The following SLC43A2 variants were observed in gnomAD, a reference collection of about 807,000 sequenced individuals.
The protein encoded by SLC43A2 is large neutral amino acids transporter small subunit 4.
Under a neutral mutation model 63.2 loss-of-function variants are expected in SLC43A2, and 38 were observed. The observed-to-expected ratio is 0.60, with a 90% CI of 0.46 to 0.79. The LOEUF (loss-of-function observed/expected upper bound fraction) is 0.79, where lower values mean the gene tolerates loss of function less well. SLC43A2 is among the 30% of genes least tolerant of loss of function. The pLI is 0.00. For synonymous variants in SLC43A2, 322 were observed against 331.0 expected, an observed-to-expected ratio of 0.97 and a Z score of 0.30; for missense variants, 644 against 756.2, an observed-to-expected ratio of 0.85 and a Z score of 1.74.
At chr17:1,617,744 G>A (rs1907814390) in intron 2 of SLC43A2, among the ~76,000 whole-genome samples, 1 of 152,166 alleles carries the variant, frequency 6.6e-6, no homozygotes, top group South Asian at 2.1e-4. Context: ...CCATCCCGTG[G>A]CCATGCCTAG....
chr17:1,570,583 T>G lies in SLC43A2; in HGVS notation c.*5021A>C. 2 of 141,092 alleles carry G rather than the reference T, an allele frequency of 1.4e-5. No individual in the cohort carries two copies. Among genetic ancestry groups the G allele is most frequent in the Non-Finnish European group, 1.5e-5 (1 of 65,110 alleles). The allele number at this position is 141,092 out of a possible 1,614,324, so 8.7% of individuals were successfully genotyped here. A position where few individuals can be genotyped will look rare whatever the true frequency, so the allele number is the denominator to read the frequency against. ...CTCACTGCAAGCTCCGCCTCCCGGG[T>G]TCACACCATTCTCCTGCCTCAGCCT... On this transcript the variant is annotated 3_prime_UTR_variant, in exon 14 of 14. Transcript: ENST00000301335.
intron 5 of SLC43A2, among the ~76,000 whole-genome samples, chr17:1,596,359 C>T (rs893767716): frequency 5.3e-5 from 8 of 151,816 alleles, no homozygotes; most frequent in South Asian, 2.1e-4. Flanking sequence ...AGTGGTGGCT[C>T]GTGCCTGTCA....
chr17:1,579,124 G>C (rs1449746265), intron 11 of SLC43A2, among the ~76,000 whole-genome samples: 2 of 131,110 alleles, frequency 1.5e-5, no homozygotes, highest in Non-Finnish European at 3.2e-5. Context: ...TGGTGACAAA[G>C]TGAGACTCTG....
Position 1,571,596 on chromosome 17 carries a change from G to C in SLC43A2, c.*4008C>G, listed in dbSNP as rs2075847196. The C allele has an allele frequency of 6.6e-6, 1 of 152,334 alleles. No individual in the cohort carries two copies. The highest frequency in any genetic ancestry group is 1.5e-5 in the Non-Finnish European group (1 of 68,122). 9.4% of individuals were successfully genotyped at this position (152,334 alleles called of 1,614,324 possible). ...AATACTGGATGTCCCGCCATTTTCA[G>C]CCCTGGGGCCTATGGCAAAGTGACG... is the stretch of plus-strand genomic sequence containing the variant. On this transcript the variant is annotated 3_prime_UTR_variant, in exon 14 of 14. Transcript: ENST00000301335. This position sits in a 1 kb window ranked among gnomAD's most constrained non-coding sequence, Gnocchi z 5.2.
chr17:1,581,817 T>G (rs2076018858), intron 11 of SLC43A2, among the ~76,000 whole-genome samples: 1 of 151,864 alleles, frequency 6.6e-6, no homozygotes, highest in Admixed American at 6.6e-5. Flanking sequence ...TTTTTTTTTT[T>G]TTTTTTGAGA....
rs2076052732 is a variant in SLC43A2 at position 1,583,482 on chromosome 17, G to A, written c.1218-146C>T. On this transcript the variant is annotated intron_variant, in intron 10 of 13. Transcript: ENST00000301335. The surrounding 1 kb of genome is among the most constrained non-coding windows in gnomAD (Gnocchi z 5.5). ...GGCACGTTTTAGGGACTGTGTCGGG[G>A]CTGGACCAGCACTACGGACACTCCC... 1.4e-6 allele frequency: 2 copies of A among 1,393,056 alleles called. No homozygotes were observed. Among genetic ancestry groups the A allele is most frequent in the Non-Finnish European group, 1.9e-6 (2 of 1,041,932 alleles). The allele number at this position is 1,393,056 out of a possible 1,614,324, so 86.3% of individuals were successfully genotyped here. A position where few individuals can be genotyped will look rare whatever the true frequency, so the allele number is the denominator to read the frequency against.
intron 7 of SLC43A2, 40 bp from the exon 8 acceptor site, chr17:1,591,511 C>A (rs749984260): frequency 1.9e-6 from 3 of 1,611,144 alleles, no homozygotes; most frequent in Admixed American, 3.3e-5. Context: ...CTGCCCGGGA[C>A]CCCGGCTGGG....
chr17:1,581,806 GTTT>G (rs926906202), intron 11 of SLC43A2, among the ~76,000 whole-genome samples: 1 of 140,770 alleles, frequency 7.1e-6, no homozygotes, highest in African/African-American at 2.6e-5. Flanking sequence ...AAGAAATTCA[GTTT>G]TTTTTTTTTT....
intron 2 of SLC43A2, among the ~76,000 whole-genome samples, chr17:1,617,960 C>A (rs974945386): frequency 6.6e-6 from 1 of 152,234 alleles, no homozygotes; most frequent in Non-Finnish European, 1.5e-5. Flanking sequence ...ACTAATCCTG[C>A]AGAAAACAGG....
chr17:1,599,915 G>A (rs1300512710), intron 5 of SLC43A2, among the ~76,000 whole-genome samples: 3 of 148,742 alleles, frequency 2.0e-5, no homozygotes, highest in Non-Finnish European at 4.5e-5. Context: ...GTGGTGGCGG[G>A]CGCCTGTAGT....
At chr17:1,587,767 ATCAAG>A (rs10534238) in intron 9 of SLC43A2, among the ~76,000 whole-genome samples, 69,098 of 151,760 alleles carry the variant, frequency 0.46, 16,354 homozygotes, top group East Asian at 0.81. Context: ...CTAGATTGTT[ATCAAG>A]TCAAGGACAA....
rs977139053 is a variant in SLC43A2, at chr17:1,605,654, C to A, written c.501+7541G>T. ...GGGCTGGCATTCTGGCCCTCGGGTCCCCTCCAGAGGGAGCCTTGTCCCCAA... is the reference window on the plus strand; with the variant it reads ...GGGCTGGCATTCTGGCCCTCGGGTCACCTCCAGAGGGAGCCTTGTCCCCAA... On this transcript the variant is annotated intron_variant, in intron 5 of 13. Transcript: ENST00000301335. The surrounding 1 kb of genome is among the most constrained non-coding windows in gnomAD (Gnocchi z 4.9). Among the ~76,000 whole-genome samples the A allele has an allele frequency of 1.3e-5, 2 of 151,960 alleles. No homozygotes were observed. Among genetic ancestry groups the A allele is most frequent in the Non-Finnish European group, 2.9e-5 (2 of 67,968 alleles).
At chr17:1,616,835 G>A in intron 2 of SLC43A2, 66 bp from the exon 3 acceptor site, 6 of 1,563,716 alleles carry the variant, frequency 3.8e-6, no homozygotes, top group Non-Finnish European at 5.2e-6. Flanking sequence ...GATCAGAAGG[G>A]CAGGTGCCCA....
intron 2 of SLC43A2, among the ~76,000 whole-genome samples, chr17:1,621,594 G>A (rs1908163763): frequency 6.6e-6 from 1 of 152,212 alleles, no homozygotes; most frequent in African/African-American, 2.4e-5. Flanking sequence ...CCTGGCCCCT[G>A]AGCAGTGGTC....
At chr17:1,576,869 T>TC in intron 12 of SLC43A2, 149 bp from the exon 13 acceptor site, 5 of 973,622 alleles carry the variant, frequency 5.1e-6, no homozygotes, top group Non-Finnish European at 7.2e-6. Flanking sequence ...TTCTGTTTTT[T>TC]TTTTTTTTTT....
chr17:1,616,908 C>G, intron 2 of SLC43A2, 139 bp from the exon 3 acceptor site: 1 of 915,382 alleles, frequency 1.1e-6, no homozygotes. Context: ...CTCAGGCTAC[C>G]CCGCAGCAGG....
At chr17:1,581,906 AGC>A (rs2076021562) in intron 11 of SLC43A2, among the ~76,000 whole-genome samples, 2 of 151,454 alleles carry the variant, frequency 1.3e-5, no homozygotes, top group African/African-American at 2.4e-5. Context: ...CCCGGATTCA[AGC>A]AATTCTCCTG....
rs890889693 is a variant in SLC43A2 at position 1,613,333 on chromosome 17, C to T, written c.425-62G>A. ...AGCTGAGCTCCAGGGAAGCCGGGAC[C>T]AGCCCAGAGTCCTGCGCGGTGCAGG... On this transcript the variant is annotated intron_variant, in intron 4 of 13. Coordinates refer to ENST00000301335, the MANE Select transcript of SLC43A2 (RefSeq NM_152346.3). 5.3e-5 allele frequency: 80 copies of T among 1,508,188 alleles called. 1 individual carries two copies. The African/African-American group carries it at 9.1e-4, about 17-fold the overall frequency. 93.4% of individuals were successfully genotyped at this position (1,508,188 alleles called of 1,614,324 possible). A position where few individuals can be genotyped will look rare whatever the true frequency, so the allele number is the denominator to read the frequency against.
At position 1,593,180 on chromosome 17, in the gene SLC43A2, T is replaced by G. The variant is rs369982979; in HGVS notation, c.594+7A>C. ...CACAGACACCAGTGCAAAATACACG[T>G]GCTCACCTTGATTCCTGGAAAGGTG... On this transcript the variant is annotated splice_region_variant and intron_variant, in intron 6 of 13. Transcript: ENST00000301335. The surrounding 1 kb of genome is among the most constrained non-coding windows in gnomAD (Gnocchi z 5.3). The G allele has an allele frequency of 2.4e-5, 39 of 1,612,524 alleles. No homozygotes were observed. The highest frequency in any genetic ancestry group is 3.3e-5 in the Non-Finnish European group (39 of 1,179,202).
Sources: gnomAD v4.1 joint callset for allele counts (sites outside exome capture counted in the v4.1 genomes callset) on GRCh38, gnomAD v4.1.1 for gene constraint, Gnocchi (gnomAD v3.1) non-coding constraint, MANE v1.5 for transcripts, NCBI Gene and HGNC (gene_info 2026-07-23, HGNC 2026-07-21) for gene names.